The following ROBO4 variants were observed in gnomAD, a reference collection of about 807,000 sequenced individuals.
ROBO4 encodes the protein roundabout guidance receptor 4, also known as roundabout homolog 4.
ROBO4 carries 80 observed loss-of-function variants against 103.3 expected under a neutral mutation model. The observed-to-expected ratio is 0.77, with a 90% CI of 0.65 to 0.93. The LOEUF is 0.93. Among genes scored for constraint, ROBO4 ranks in the 40% least tolerant of loss-of-function variants. The probability of loss-of-function intolerance (pLI) is 0.00; values close to 1 mark genes in which losing one functional copy is unlikely to be tolerated. For missense variants in ROBO4, 1,333 were observed against 1,305.3 expected, an observed-to-expected ratio of 1.02 and a Z score of -0.33; for synonymous variants, 504 against 529.7, an observed-to-expected ratio of 0.95 and a Z score of 0.67.
At chr11:124,885,652 C>T (rs142989313) in intron 16 of ROBO4, among the ~76,000 whole-genome samples, 35 of 150,916 alleles carry the variant, frequency 2.3e-4, no homozygotes, top group African/African-American at 7.5e-4. Context: ...TCTGATGGTG[C>T]ATGTGGGGAA....
In ROBO4 at chr11:124,895,921, A is replaced by T; in HGVS notation, c.680-9T>A. ...CGTGTAGTCCTGGGGCTCTGTGGGG[A>T]GGATAGGGCTGGGCTGGGGCTTATA... On this transcript the variant is annotated splice_polypyrimidine_tract_variant and intron_variant, in intron 4 of 17. Transcript: ENST00000306534. 1.2e-6 allele frequency: 2 copies of T among 1,612,950 alleles called. No homozygotes were observed. Among genetic ancestry groups the T allele is most frequent in the South Asian group, 2.2e-5 (2 of 91,028 alleles).
In ROBO4 at chr11:124,884,836, G is replaced by T; in HGVS notation, c.*55C>A. 6.2e-7 allele frequency: 1 copy of T among 1,603,124 alleles called. No individual in the cohort carries two copies. Among genetic ancestry groups the T allele is most frequent in the Non-Finnish European group, 8.5e-7 (1 of 1,169,966 alleles). On this transcript the variant is annotated 3_prime_UTR_variant, in exon 18 of 18. Coordinates refer to ENST00000306534, the MANE Select transcript of ROBO4 (RefSeq NM_019055.6). ...CCACACACCACAGCCCAGGTCTTGTGGGTGGACAGGAGAAGTGGTTCTGAT... is the reference window on the plus strand; with the variant it reads ...CCACACACCACAGCCCAGGTCTTGTTGGTGGACAGGAGAAGTGGTTCTGAT...
In ROBO4 at chr11:124,887,227, G is replaced by C. The variant is rs763480204; in HGVS notation, c.2199-14C>G. 38 of 1,586,056 alleles carry C rather than the reference G, an allele frequency of 2.4e-5. No individual in the cohort carries two copies. Among genetic ancestry groups the C allele is most frequent in the Non-Finnish European group, 2.9e-5 (34 of 1,165,004 alleles). On this transcript the variant is annotated splice_polypyrimidine_tract_variant and intron_variant, in intron 14 of 17. Transcript: ENST00000306534. ...GCCACCGGAGGCCTGATTTGCGGGA[G>C]AGAGTGATGGCACCGTAGTTACTAC...
In ROBO4 at chr11:124,895,450, C is replaced by T. The variant is rs1357030985; in HGVS notation, c.1036+7G>A. 6.2e-7 allele frequency: 1 copy of T among 1,607,810 alleles called. No homozygotes were observed. The highest frequency in any genetic ancestry group is 1.7e-5 in the Admixed American group (1 of 59,996). On this transcript the variant is annotated splice_region_variant and intron_variant, in intron 6 of 17. Transcript: ENST00000306534. ...ATTGTTGGCTTCTGAAGGGATCAGG[C>T]CCTGACCTTTTTCCGGCAGCCTCAG...
chr11:124,894,397 T>C lies in ROBO4; in HGVS notation c.1150-28A>G, dbSNP rs752514103. On this transcript the variant is annotated intron_variant, in intron 7 of 17. Transcript: ENST00000306534. Reference sequence around the variant, plus strand: ...GAGGCACAAGCAGAGGTGAACAGCTTCCCCAGGCACCATCCCAGAAGCCAA... The same window carrying C: ...GAGGCACAAGCAGAGGTGAACAGCTCCCCCAGGCACCATCCCAGAAGCCAA... 5 of 1,595,600 alleles carry C rather than the reference T, an allele frequency of 3.1e-6. No individual in the cohort carries two copies. In the East Asian group the frequency reaches 1.1e-4, roughly 36 times the overall value.
chr11:124,896,800 C>A lies in ROBO4; in HGVS notation c.401-130G>T, dbSNP rs532224068. On this transcript the variant is annotated intron_variant, in intron 2 of 17. Coordinates refer to ENST00000306534, the MANE Select transcript of ROBO4 (RefSeq NM_019055.6). ...TAGGGCCAGCCCCGCCCCAGCTTGC[C>A]CTCCCAAGCCTTCCAGCCCAGGCCT... 176 of 1,510,706 alleles carry A rather than the reference C, an allele frequency of 1.2e-4. No individual in the cohort carries two copies. The African/African-American group carries it at 2.0e-3, about 17-fold the overall frequency. The allele number at this position is 1,510,706 out of a possible 1,614,324, so 93.6% of individuals were successfully genotyped here.
chr11:124,888,777 T>A (rs7129744), intron 12 of ROBO4, among the ~76,000 whole-genome samples: 35,603 of 152,108 alleles, frequency 0.23, 5,583 homozygotes, highest in African/African-American at 0.45. Context: ...TGCTTCTTGG[T>A]CAGACCAGAA....
In ROBO4 at chr11:124,895,176, G is replaced by C; in HGVS notation, c.1054C>G (p.Gln352Glu). The change falls in exon 7 of 18, where the codon CAG becomes GAG. Residue 352 changes from glutamine to glutamate, a missense_variant. Transcript: ENST00000306534. ...LPEKVPSAPP[Q>E]EVTLKPGNGT... ...TTGCCAGGCTTTAGAGTCACTTCCT[G>C]AGGTGGGGCACTGGGCACTGGAGGG... 1 of 1,614,020 alleles carries C rather than the reference G, an allele frequency of 6.2e-7. No individual in the cohort carries two copies. Among genetic ancestry groups the C allele is most frequent in the Non-Finnish European group, 8.5e-7 (1 of 1,179,920 alleles).
chr11:124,891,717 T>G lies in ROBO4; in HGVS notation c.1633A>C (p.Ser545Arg), dbSNP rs771453305. ...SRDLSSSSSL[S>R]SRLGADARDP... is the part of the protein sequence containing the mutation. ...CGGGCATCCGCCCCCAGCCGACTGCTGAGGCTGCTGCTGCTGCTCAGGTCC... is the reference window on the plus strand; with the variant it reads ...CGGGCATCCGCCCCCAGCCGACTGCGGAGGCTGCTGCTGCTGCTCAGGTCC... The change falls in exon 11 of 18, where the codon AGC (serine) becomes CGC (arginine). Residue 545 changes from serine (S) to arginine (R), a missense_variant. By Grantham distance (110) the Ser-to-Arg change is moderately radical (BLOSUM62 -1). Transcript: ENST00000306534. 11 of 1,614,040 alleles carry G rather than the reference T, an allele frequency of 6.8e-6. No individual in the cohort carries two copies. The highest frequency in any genetic ancestry group is 3.3e-5 in the Admixed American group (2 of 60,006).
In ROBO4 at chr11:124,893,886, C is replaced by A. The variant is rs767092139; in HGVS notation, c.1478G>T (p.Arg493Leu). 1.2e-6 allele frequency: 2 copies of A among 1,612,782 alleles called. No individual in the cohort carries two copies. The highest frequency in any genetic ancestry group is 3.3e-5 in the Admixed American group (2 of 59,946). ...LGTAVCIHRR[R>L]RARVHLGPGL... ...TGGGCCCAGGTGCACCCTAGCTCGG[C>A]GCCGGCGGTGGATACACACGGCGGT... Residue 493 changes from arginine to leucine, a missense_variant, in exon 9 of 18, where the codon CGC becomes CTC. By Grantham distance (102) the Arg-to-Leu change is moderately radical. Transcript: ENST00000306534.
At position 124,897,027 on chromosome 11, in the gene ROBO4, C is replaced by T. The variant is rs757185769; in HGVS notation, c.305G>A (p.Gly102Asp). Reference protein sequence around the residue: ...QPPARGHAHDGQALSTDLGVY... With the variant: ...QPPARGHAHDDQALSTDLGVY... ...ACCCAGGTCTGTGGACAGGGCCTGG[C>T]CATCGTGGGCATGTCCCCGGGCAGG... Residue 102 changes from glycine to aspartate, a missense_variant, in exon 2 of 18, where the codon GGC becomes GAC. By Grantham distance (94) the Gly-to-Asp change is moderately conservative (BLOSUM62 -1). Transcript: ENST00000306534. 6.2e-7 allele frequency: 1 copy of T among 1,614,028 alleles called. No individual in the cohort carries two copies. The highest frequency in any genetic ancestry group is 1.1e-5 in the South Asian group (1 of 91,058).
In ROBO4 at chr11:124,885,118, C is replaced by T. The variant is rs773647594; in HGVS notation, c.2924G>A (p.Gly975Glu). 6.2e-7 allele frequency: 1 copy of T among 1,614,126 alleles called. No homozygotes were observed. The highest frequency in any genetic ancestry group is 8.5e-7 in the Non-Finnish European group (1 of 1,180,042). Residue 975 changes from glycine to glutamate, a missense_variant, in exon 17 of 18, where the codon GGG (glycine) becomes GAG (glutamate). Gly to Glu is a moderately conservative substitution (Grantham distance 98). Coordinates refer to ENST00000306534, the MANE Select transcript of ROBO4 (RefSeq NM_019055.6). ...EVSHTQRLGR[G>E]MPPWPPDSQI... Reference sequence around the variant, plus strand: ...AGAGTCAGGGGGCCAGGGAGGCATCCCCCTTCCCAGCCGCTGGGTGTGGCT... The same window carrying T: ...AGAGTCAGGGGGCCAGGGAGGCATCTCCCTTCCCAGCCGCTGGGTGTGGCT...
Position 124,895,072 on chromosome 11 carries a change from T to TG in ROBO4, c.1149+8dup. Reference sequence around the variant, plus strand: ...CAGTAGGAAGGGCTATGACAGCTAGTGGGGGTACCTGGTAGCCACGGATGA... The same window carrying TG: ...CAGTAGGAAGGGCTATGACAGCTAGTGGGGGGTACCTGGTAGCCACGGATGA... On this transcript the variant is annotated intron_variant, in intron 7 of 17. Coordinates refer to ENST00000306534, the MANE Select transcript of ROBO4 (RefSeq NM_019055.6). 6.3e-7 allele frequency: 1 copy of TG among 1,596,386 alleles called. No individual in the cohort carries two copies. Among genetic ancestry groups the TG allele is most frequent in the East Asian group, 2.2e-5 (1 of 44,784 alleles).
intron 14 of ROBO4, 45 bp downstream of exon 14, chr11:124,887,313 A>AC (rs1170786938): frequency 6.2e-7 from 1 of 1,611,506 alleles, no homozygotes. Flanking sequence ...CACTCCCCAC[A>AC]CCCCCACTCT....
chr11:124,887,671 A>G (rs1946738036), intron 13 of ROBO4, 62 bp downstream of exon 13: 2 of 1,562,022 alleles, frequency 1.3e-6, no homozygotes, highest in Non-Finnish European at 1.8e-6. Flanking sequence ...TGGGCTGGTA[A>G]GCCCCTGCAT....
intron 16 of ROBO4, 27 bp downstream of exon 16, chr11:124,886,437 G>A (rs776142125): frequency 6.5e-7 from 1 of 1,548,988 alleles, no homozygotes; most frequent in Non-Finnish European, 8.9e-7. Flanking sequence ...GCATGAGTGA[G>A]GAGTAAGATG....
chr11:124,894,269 C>G lies in ROBO4; in HGVS notation c.1250G>C (p.Cys417Ser), dbSNP rs1946845408. Residue 417 changes from cysteine (C) to serine (S), a missense_variant, in exon 8 of 18, where the codon TGC (cysteine) becomes TCC (serine). Transcript: ENST00000306534. The part of the protein sequence containing the change: ...EIATHMPGSY[C>S]VQVAAVTGAG... ...ACCAGTGACTGCAGCCACTTGCACG[C>G]AGTAGGAGCCTGGCATATGGGTGGC... The G allele has an allele frequency of 6.2e-7, 1 of 1,613,968 alleles. No individual in the cohort carries two copies. The highest frequency in any genetic ancestry group is 1.3e-5 in the African/African-American group (1 of 74,914).
rs1416400293 is a variant in ROBO4, at chr11:124,885,200, T to TG, written c.2841dup (p.Asn948GlnfsTer35). 6 of 1,613,506 alleles carry TG rather than the reference T, an allele frequency of 3.7e-6. No individual in the cohort carries two copies. Among genetic ancestry groups the TG allele is most frequent in the Non-Finnish European group, 5.1e-6 (6 of 1,179,984 alleles). ...CACTCCCACAGGGGCAGGGAGAGGT[T>TG]GGGGGTCAGGAAGATCTCATCCCGT... On this transcript the variant is annotated frameshift_variant, in exon 17 of 18. Transcript: ENST00000306534. LOFTEE classifies it high-confidence loss of function.
intron 6 of ROBO4, 50 bp downstream of exon 6, chr11:124,895,404 TAAG>T (rs1190584229): frequency 6.5e-7 from 1 of 1,544,154 alleles, no homozygotes; most frequent in East Asian, 2.3e-5. Context: ...GGCCCCCAAA[TAAG>T]AAGGAGCCAG....
Sources: gnomAD v4.1 joint callset for allele counts (sites outside exome capture counted in the v4.1 genomes callset) on GRCh38, gnomAD v4.1.1 for gene constraint, MANE v1.5 for transcripts, NCBI Gene and HGNC (gene_info 2026-07-23, HGNC 2026-07-21) for gene names.